PKIB: variants seen among roughly 807,000 people sequenced by gnomAD.
PKIB encodes cAMP-dependent protein kinase inhibitor beta.
In PKIB, 2 loss-of-function variants were observed where a neutral mutation model predicts 4.5. That is an observed-to-expected ratio of 0.44 (90% CI 0.18 to 1.39). The LOEUF (loss-of-function observed/expected upper bound fraction) is 1.39. Among genes scored for constraint, PKIB ranks in the 40% most tolerant of loss-of-function variants. The pLI is 0.27. For missense variants in PKIB, 94 were observed against 92.6 expected (o/e 1.02, Z -0.06); for synonymous variants, 38 against 36.0 (o/e 1.06, Z -0.20).
intron 2 of PKIB, among the ~76,000 whole-genome samples, chr6:122,541,378 G>A (rs1582686673): frequency 6.6e-6 from 1 of 151,726 alleles, no homozygotes; most frequent in Middle Eastern, 3.4e-3. Context: ...GGCAGGCCTG[G>A]TGGTGACAAA....
intron 1 of PKIB, among the ~76,000 whole-genome samples, chr6:122,617,974 A>C (rs918050942): frequency 5.3e-5 from 8 of 152,114 alleles, no homozygotes; most frequent in African/African-American, 1.9e-4. Flanking sequence ...TACTATTGCC[A>C]GTGTAAAAAT....
chr6:122,702,888 A>G (rs1778885376), intron 3 of PKIB, among the ~76,000 whole-genome samples: 1 of 152,212 alleles, frequency 6.6e-6, no homozygotes, highest in African/African-American at 2.4e-5. Flanking sequence ...TCATACAGTT[A>G]TATGTTAAAA....
intron 2 of PKIB, among the ~76,000 whole-genome samples, chr6:122,537,290 T>A (rs1777436212): frequency 6.6e-6 from 1 of 152,076 alleles, no homozygotes; most frequent in Non-Finnish European, 1.5e-5. Context: ...TAGCATTAGG[T>A]ATATCTCCTA....
intron 2 of PKIB, among the ~76,000 whole-genome samples, chr6:122,556,093 A>G (rs928040700): frequency 6.6e-6 from 1 of 152,172 alleles, no homozygotes; most frequent in South Asian, 2.1e-4. Flanking sequence ...AGGTGATTAG[A>G]TGATGGGGCA....
intron 3 of PKIB, among the ~76,000 whole-genome samples, chr6:122,597,517 A>G (rs1053082182): frequency 2.6e-5 from 4 of 152,184 alleles, no homozygotes; most frequent in Admixed American, 1.3e-4. Context: ...CAAGCTTACA[A>G]TAATCCACTG....
At chr6:122,499,984 C>G (rs1449771153) in intron 2 of PKIB, among the ~76,000 whole-genome samples, 2 of 152,094 alleles carry the variant, frequency 1.3e-5, no homozygotes, top group Non-Finnish European at 2.9e-5. Context: ...AAGAATACAT[C>G]TAACAAAGGA....
chr6:122,605,644 T>A (rs1243150046), upstream of PKIB, among the ~76,000 whole-genome samples: 1 of 152,074 alleles, frequency 6.6e-6, no homozygotes, highest in African/African-American at 2.4e-5. Flanking sequence ...ACCACATATG[T>A]CCTCTGGAAT....
chr6:122,674,963 T>C (rs1323586707), intron 2 of PKIB, 115 bp from the exon 3 acceptor site: 3 of 152,396 alleles, frequency 2.0e-5, no homozygotes, highest in Non-Finnish European at 4.4e-5. Flanking sequence ...GTCAGGCAAG[T>C]CATGATGTTT....
chr6:122,657,507 G>C (rs1275909782), intron 2 of PKIB, among the ~76,000 whole-genome samples: 2 of 152,176 alleles, frequency 1.3e-5, no homozygotes, highest in Non-Finnish European at 2.9e-5. Flanking sequence ...ATATTTTGGA[G>C]CTAACTTGGC....
At chr6:122,547,100 A>G (rs1388853591) in intron 2 of PKIB, among the ~76,000 whole-genome samples, 1 of 152,080 alleles carries the variant, frequency 6.6e-6, no homozygotes, top group African/African-American at 2.4e-5. Flanking sequence ...TTTACCATTT[A>G]TATTTTGGAG....
intron 3 of PKIB, among the ~76,000 whole-genome samples, chr6:122,697,490 T>C (rs145374036): frequency 1.9e-3 from 283 of 151,806 alleles, no homozygotes; most frequent in African/African-American, 6.6e-3. Context: ...TTTGAGGTGG[T>C]TGCCAAAAAC....
intron 2 of PKIB, among the ~76,000 whole-genome samples, chr6:122,529,441 C>CTTA (rs1777187632): frequency 6.6e-6 from 1 of 151,954 alleles, no homozygotes; most frequent in African/African-American, 2.4e-5. Context: ...GAATTTTTGT[C>CTTA]ATTTAAGTTT....
chr6:122,589,911 G>A (rs1171189426), intron 3 of PKIB, among the ~76,000 whole-genome samples: 1 of 152,126 alleles, frequency 6.6e-6, no homozygotes, highest in Admixed American at 6.5e-5. Flanking sequence ...TATTTGCAAT[G>A]CATAGTCTCT....
chr6:122,524,156 C>T (rs1219446602), intron 2 of PKIB, among the ~76,000 whole-genome samples: 2 of 149,764 alleles, frequency 1.3e-5, no homozygotes, highest in East Asian at 2.0e-4. Context: ...TCCCCCTCCT[C>T]CTCTTGCCCT....
At chr6:122,638,221 T>A (rs1446893372) in intron 2 of PKIB, among the ~76,000 whole-genome samples, 1 of 152,218 alleles carries the variant, frequency 6.6e-6, no homozygotes, top group Non-Finnish European at 1.5e-5. Flanking sequence ...GAAAATGTAT[T>A]ATAATTAATG....
chr6:122,547,982 G>C (rs144607414), intron 2 of PKIB, among the ~76,000 whole-genome samples: 167 of 152,228 alleles, frequency 1.1e-3, no homozygotes, highest in Non-Finnish European at 6.6e-4. Context: ...GCTAGGCCTA[G>C]GGAGACATAG....
intron 2 of PKIB, among the ~76,000 whole-genome samples, chr6:122,569,068 C>A: frequency 6.6e-6 from 1 of 152,134 alleles, no homozygotes; most frequent in East Asian, 1.9e-4. Context: ...GGAACTTTAT[C>A]CCAGTAGCCT....
At chr6:122,530,845 C>T (rs1777234931) in intron 2 of PKIB, among the ~76,000 whole-genome samples, 1 of 152,204 alleles carries the variant, frequency 6.6e-6, no homozygotes, top group Non-Finnish European at 1.5e-5. Context: ...TCTAATTGTT[C>T]TGCAATATGC....
At chr6:122,591,046 A>T (rs1161039350) in intron 3 of PKIB, among the ~76,000 whole-genome samples, 1 of 152,026 alleles carries the variant, frequency 6.6e-6, no homozygotes, top group Non-Finnish European at 1.5e-5. Context: ...ACAAACAAAA[A>T]AACAAACCCT....
Sources: gnomAD v4.1 joint callset for allele counts (sites outside exome capture counted in the v4.1 genomes callset) on GRCh38, gnomAD v4.1.1 for gene constraint, MANE v1.5 for transcripts, NCBI Gene and HGNC (gene_info 2026-07-23, HGNC 2026-07-21) for gene names.